Variants in OGDH observed in about 807,000 individuals in gnomAD.
OGDH encodes oxoglutarate dehydrogenase, also known as 2-oxoglutarate dehydrogenase complex component E1.
Under a neutral mutation model 116.6 loss-of-function variants are expected in OGDH, and 38 were observed. That is an observed-to-expected ratio of 0.33 (90% CI 0.25 to 0.43). OGDH has a LOEUF of 0.43. OGDH is among the 20% of genes least tolerant of loss of function. The probability of loss-of-function intolerance (pLI) is 1.00; values close to 1 mark genes in which losing one functional copy is unlikely to be tolerated. For synonymous variants in OGDH, 488 were observed against 533.3 expected (o/e 0.92, Z 1.17); for missense variants, 825 against 1,357.2 (o/e 0.61, Z 6.16).
At position 44,647,550 on chromosome 7, in the gene OGDH, T is replaced by G. The variant is rs930785572; in HGVS notation, c.415-107T>G. 8 of 1,549,758 alleles carry G rather than the reference T, an allele frequency of 5.2e-6. No homozygotes were observed. In the Admixed American group the frequency reaches 5.9e-5, roughly 11 times the overall value. ...TCAAACGTGGGTGAGAATTAAGCTG[T>G]AAATGCTAATTTTAATGTAATTTTA... On this transcript the variant is annotated intron_variant, in intron 3 of 22. Transcript: ENST00000222673.
intron 3 of OGDH, chr7:44,647,356 G>A: frequency 1.2e-6 from 1 of 840,894 alleles, no homozygotes; most frequent in Non-Finnish European, 1.9e-6. Flanking sequence ...TTCCTCTTTG[G>A]AAAAGGTTTG....
At chr7:44,655,532 CT>C (rs749108598) in intron 4 of OGDH, among the ~76,000 whole-genome samples, 2 of 152,356 alleles carry the variant, frequency 1.3e-5, no homozygotes, top group Admixed American at 1.3e-4. Context: ...TGACAGCACT[CT>C]GAGTGCTCAA....
Position 44,708,612 on chromosome 7 carries a change from G to C in OGDH, c.*613G>C, listed in dbSNP as rs368393471. On this transcript the variant is annotated 3_prime_UTR_variant, in exon 23 of 23. Coordinates refer to ENST00000222673, the MANE Select transcript of OGDH (RefSeq NM_002541.4). ...AGTGTCCATTATCTGCTGTTCCTTCGAGGGTTCCAGGCTGTGTGTGGGGCC... is the reference window on the plus strand; with the variant it reads ...AGTGTCCATTATCTGCTGTTCCTTCCAGGGTTCCAGGCTGTGTGTGGGGCC... 2 of 152,304 alleles carry C rather than the reference G, an allele frequency of 1.3e-5. No homozygotes were observed. Among genetic ancestry groups the C allele is most frequent in the Non-Finnish European group, 2.9e-5 (2 of 68,152 alleles). 9.4% of individuals were successfully genotyped at this position (152,304 alleles called of 1,614,324 possible). A position where few individuals can be genotyped will look rare whatever the true frequency, so the allele number is the denominator to read the frequency against.
chr7:44,642,149 CTCATGCCTATAA>C, intron 2 of OGDH, among the ~76,000 whole-genome samples: 1 of 152,256 alleles, frequency 6.6e-6, no homozygotes, highest in South Asian at 2.1e-4. Flanking sequence ...CAGATGGTGG[CTCATGCCTATAA>C]TCCTTGCACT....
chr7:44,705,557 G>T (rs1789034930), intron 20 of OGDH, among the ~76,000 whole-genome samples: 1 of 151,872 alleles, frequency 6.6e-6, no homozygotes, highest in Non-Finnish European at 1.5e-5. Context: ...TTTTTTGTTT[G>T]TGTTTTTTTG....
intron 7 of OGDH, among the ~76,000 whole-genome samples, chr7:44,674,916 G>C (rs534239715): frequency 6.6e-6 from 1 of 152,174 alleles, no homozygotes; most frequent in Non-Finnish European, 1.5e-5. Flanking sequence ...GGGAAGGTGT[G>C]GGGAGGGAGA....
chr7:44,657,206 C>T (rs981495906), intron 4 of OGDH, among the ~76,000 whole-genome samples: 5 of 152,160 alleles, frequency 3.3e-5, no homozygotes, highest in East Asian at 3.8e-4. Flanking sequence ...TCCATCACCA[C>T]GAGGATTCCT....
In OGDH at chr7:44,689,620, A is replaced by G. The variant is rs191228784; in HGVS notation, c.1336-4205A>G. 4.6e-5 allele frequency among the ~76,000 whole-genome samples: 7 copies of G among 151,662 alleles called. No homozygotes were observed. In the East Asian group the frequency reaches 1.2e-3, roughly 25 times the overall value. ...TAGCCATCCTAGAAGGTGTGAGGTG[A>G]TATCTCATTTTGGTTTTAATTTGCA... On this transcript the variant is annotated intron_variant, in intron 10 of 22. Coordinates refer to ENST00000222673, the MANE Select transcript of OGDH (RefSeq NM_002541.4).
chr7:44,611,630 C>G (rs1784570808), intron 1 of OGDH, among the ~76,000 whole-genome samples: 1 of 151,946 alleles, frequency 6.6e-6, no homozygotes, highest in African/African-American at 2.4e-5. Flanking sequence ...AGACTGGTCT[C>G]AAACTCCTGG....
rs1453889429 is a variant in OGDH, at chr7:44,697,148, G to A, written c.2051+84G>A. 30 of 1,544,232 alleles carry A rather than the reference G, an allele frequency of 1.9e-5. No homozygotes were observed. The highest frequency in any genetic ancestry group is 2.7e-5 in the African/African-American group (2 of 73,006). On this transcript the variant is annotated intron_variant, in intron 15 of 22. Coordinates refer to ENST00000222673, the MANE Select transcript of OGDH (RefSeq NM_002541.4). This position sits in a 1 kb window ranked among gnomAD's most constrained non-coding sequence, Gnocchi z 6.0. Reference sequence around the variant, plus strand: ...TTCTGGTGTTTCTTTTCCGGAAGACGGTTAGAAACCGGAAGAGTCACATTG... The same window carrying A: ...TTCTGGTGTTTCTTTTCCGGAAGACAGTTAGAAACCGGAAGAGTCACATTG...
At chr7:44,703,397 G>A (rs1311522407) in intron 20 of OGDH, among the ~76,000 whole-genome samples, 2 of 150,360 alleles carry the variant, frequency 1.3e-5, no homozygotes, top group Non-Finnish European at 3.0e-5. Context: ...AACAGAGTAG[G>A]ACTCCATCTC....
intron 1 of OGDH, among the ~76,000 whole-genome samples, chr7:44,613,815 T>C (rs1784661758): frequency 1.3e-5 from 2 of 149,866 alleles, no homozygotes; most frequent in African/African-American, 4.9e-5. Flanking sequence ...TTTTTTTTTT[T>C]TTTTTTTGAA....
At chr7:44,700,414 C>A (rs1788775624) in intron 19 of OGDH, 145 bp downstream of exon 19, 6 of 990,690 alleles carry the variant, frequency 6.1e-6, no homozygotes, top group Non-Finnish European at 8.8e-6. Flanking sequence ...TGTCAGGGAG[C>A]CTCGCCCTTC....
chr7:44,611,986 A>G (rs1784585081), intron 1 of OGDH, among the ~76,000 whole-genome samples: 1 of 152,098 alleles, frequency 6.6e-6, no homozygotes, highest in Non-Finnish European at 1.5e-5. Context: ...TTTGTTACAT[A>G]TGTATACATG....
At chr7:44,649,345 G>A (rs558151484) in intron 4 of OGDH, among the ~76,000 whole-genome samples, 83 of 149,578 alleles carry the variant, frequency 5.5e-4, no homozygotes, top group Admixed American at 5.4e-3. Context: ...TGCCTCCCAG[G>A]TTCAAGCAGT....
Position 44,696,454 on chromosome 7 carries a change from C to G in OGDH, c.1797C>G (p.Pro599=). ...GCTTCTTCACCCTGGACGGGCAGCC[C>G]AGGAGCATGTCCTGCCCCTCCACGG... ...WPGFFTLDGQ[P]RSMSCPSTGL... Residue 599 remains proline, a synonymous_variant, in exon 14 of 23, where the codon CCC becomes CCG. Coordinates refer to ENST00000222673, the MANE Select transcript of OGDH (RefSeq NM_002541.4). 1.2e-6 allele frequency: 2 copies of G among 1,614,170 alleles called. No homozygotes were observed. The highest frequency in any genetic ancestry group is 1.3e-5 in the African/African-American group (1 of 75,062).
At chr7:44,678,313 G>C (rs1787786933) in intron 9 of OGDH, among the ~76,000 whole-genome samples, 1 of 152,122 alleles carries the variant, frequency 6.6e-6, no homozygotes, top group African/African-American at 2.4e-5. Flanking sequence ...CCAGGCATTT[G>C]GGCTGAGTAG....
At position 44,647,728 on chromosome 7, in the gene OGDH, C is replaced by T. The variant is rs772301635; in HGVS notation, c.486C>T (p.Pro162=). 7.8e-5 allele frequency: 126 copies of T among 1,613,892 alleles called. No homozygotes were observed. The highest frequency in any genetic ancestry group is 1.0e-4 in the Admixed American group (6 of 59,976). The change falls in exon 4 of 23, where the codon CCC becomes CCT. Residue 162 remains proline (P), a synonymous_variant. Transcript: ENST00000222673. Reference sequence around the variant, plus strand: ...ATGCTGATCTGGACTCCTCCGTGCCCGCTGACATTATCTCATCCACAGACA... The same window carrying T: ...ATGCTGATCTGGACTCCTCCGTGCCTGCTGACATTATCTCATCCACAGACA... ...ILDADLDSSV[P]ADIISSTDKL... is the part of the protein sequence containing the mutation.
intron 9 of OGDH, among the ~76,000 whole-genome samples, chr7:44,679,946 C>T (rs892495058): frequency 1.4e-4 from 21 of 152,294 alleles, no homozygotes; most frequent in African/African-American, 4.8e-4. Flanking sequence ...CACGATGACT[C>T]ATGCCTGTAA....
Sources: gnomAD v4.1 joint callset for allele counts (sites outside exome capture counted in the v4.1 genomes callset) on GRCh38, gnomAD v4.1.1 for gene constraint, Gnocchi (gnomAD v3.1) non-coding constraint, MANE v1.5 for transcripts, NCBI Gene and HGNC (gene_info 2026-07-23, HGNC 2026-07-21) for gene names.